ZNF624: variants seen among roughly 807,000 people sequenced by gnomAD.
The protein encoded by ZNF624 is zinc finger protein 624.
ZNF624 carries 43 observed loss-of-function variants against 74.7 expected under a neutral mutation model. That is an observed-to-expected ratio of 0.58 (90% CI 0.45 to 0.74). ZNF624 has a LOEUF of 0.74. Among genes scored for constraint, ZNF624 ranks in the 30% least tolerant of loss-of-function variants. ZNF624 has a pLI of 0.00. For synonymous variants in ZNF624, 331 were observed against 341.3 expected, an observed-to-expected ratio of 0.97 and a Z score of 0.33; for missense variants, 820 against 1,030.0, an observed-to-expected ratio of 0.80 and a Z score of 2.79.
At chr17:16,633,479 C>A (rs1310100128) in intron 5 of ZNF624, among the ~76,000 whole-genome samples, 1 of 151,854 alleles carries the variant, frequency 6.6e-6, no homozygotes, top group East Asian at 1.9e-4. Context: ...TCAGTGGGGA[C>A]CCTTATGGAA....
At chr17:16,630,008 T>C (rs1360348580) in intron 5 of ZNF624, among the ~76,000 whole-genome samples, 1 of 152,184 alleles carries the variant, frequency 6.6e-6, no homozygotes, top group Non-Finnish European at 1.5e-5. Context: ...ATGGATTCCT[T>C]GGTGCTACAA....
At chr17:16,653,696 C>CGCCGGGA (rs1184416003) in intron 1 of ZNF624, 68 bp downstream of exon 1, 1 of 152,814 alleles carries the variant, frequency 6.5e-6, no homozygotes, top group Non-Finnish European at 1.5e-5. Context: ...CCCCGGACGC[C>CGCCGGGA]GCCGGGAGCC....
downstream of ZNF624, chr17:16,617,017 G>A: frequency 6.2e-7 from 1 of 1,607,772 alleles, no homozygotes; most frequent in Non-Finnish European, 8.5e-7. Flanking sequence ...TTTTGACTTT[G>A]TATGACCCTT....
intron 5 of ZNF624, among the ~76,000 whole-genome samples, chr17:16,626,200 C>T (rs145198854): frequency 0.036 from 5,547 of 152,284 alleles, 337 homozygotes; most frequent in African/African-American, 0.13. Context: ...ATCCACCCTC[C>T]TCGGCCTTCC....
chr17:16,648,359 A>G (rs1480593731), intron 2 of ZNF624, among the ~76,000 whole-genome samples: 1 of 152,250 alleles, frequency 6.6e-6, no homozygotes, highest in Non-Finnish European at 1.5e-5. Context: ...CTACATAAAG[A>G]TCACTATGAA....
At chr17:16,629,404 C>A (rs1214592673) in intron 5 of ZNF624, among the ~76,000 whole-genome samples, 1 of 151,646 alleles carries the variant, frequency 6.6e-6, no homozygotes, top group Non-Finnish European at 1.5e-5. Context: ...ATGATCCACC[C>A]ACCTCAGCCT....
intron 5 of ZNF624, among the ~76,000 whole-genome samples, chr17:16,626,932 A>C (rs994883243): frequency 6.6e-6 from 1 of 152,008 alleles, no homozygotes; most frequent in Admixed American, 6.6e-5. Flanking sequence ...GCACACGCTT[A>C]TAATCCCAGC....
chr17:16,616,818 A>AC (rs1346171078), downstream of ZNF624: 1 of 997,674 alleles, frequency 1.0e-6, no homozygotes, highest in African/African-American at 1.6e-5. Flanking sequence ...GTGTTCCATA[A>AC]TAGTGTGCAG....
Position 16,623,398 on chromosome 17 carries a change from C to A in ZNF624, c.1488G>T (p.Gly496=), listed in dbSNP as rs779140127. 1.2e-6 allele frequency: 2 copies of A among 1,613,078 alleles called. No individual in the cohort carries two copies. Among genetic ancestry groups the A allele is most frequent in the East Asian group, 4.5e-5 (2 of 44,802 alleles). The change falls in exon 6 of 6, where the codon GGG becomes GGT. Residue 496 remains glycine (G), a synonymous_variant. Coordinates refer to ENST00000311331, the MANE Select transcript of ZNF624 (RefSeq NM_020787.4). This position sits in a 1 kb window ranked among gnomAD's most constrained non-coding sequence, Gnocchi z 5.3. ...ATTCATTACATTCATAGGGTTTTTCCCCAGTGTGAGTTCTTATATGTACGA... is the reference window on the plus strand; with the variant it reads ...ATTCATTACATTCATAGGGTTTTTCACCAGTGTGAGTTCTTATATGTACGA... ...SLIVHIRTHT[G]EKPYECNECG... is the part of the protein sequence containing the mutation.
chr17:16,629,305 G>C (rs1309735969), intron 5 of ZNF624, among the ~76,000 whole-genome samples: 2 of 146,914 alleles, frequency 1.4e-5, no homozygotes, highest in Non-Finnish European at 3.0e-5. Context: ...TTACAAGTCT[G>C]TGCCACAACG....
At chr17:16,617,552 T>C (rs912681981), downstream of ZNF624, 2 of 1,570,734 alleles carry the variant, frequency 1.3e-6, no homozygotes, top group Non-Finnish European at 1.8e-6. Context: ...ACAATAAGCC[T>C]GTATTCTGTA....
chr17:16,649,198 T>G (rs1008253511), intron 2 of ZNF624, among the ~76,000 whole-genome samples: 1 of 152,224 alleles, frequency 6.6e-6, no homozygotes, highest in African/African-American at 2.4e-5. Flanking sequence ...CTATTAAATC[T>G]AATCACTTCT....
chr17:16,650,156 A>G lies in ZNF624; in HGVS notation c.-2-410T>C, dbSNP rs187632249. ...TCAACATGCTGTGTGAAGTACGAAA[A>G]AAAATACTTCAGTCTTTCTTTGCCA... On this transcript the variant is annotated intron_variant, in intron 1 of 5. Transcript: ENST00000311331. Among the ~76,000 whole-genome samples, 202 of 152,252 alleles carry G rather than the reference A, an allele frequency of 1.3e-3. 1 individual carries two copies. Among genetic ancestry groups the G allele is most frequent in the African/African-American group, 4.7e-3 (196 of 41,516 alleles).
At chr17:16,639,777 A>G (rs1412194845) in intron 3 of ZNF624, among the ~76,000 whole-genome samples, 3 of 152,234 alleles carry the variant, frequency 2.0e-5, no homozygotes, top group Admixed American at 6.5e-5. Flanking sequence ...GTTTCTAAAC[A>G]AAGCAACAGC....
intron 3 of ZNF624, among the ~76,000 whole-genome samples, chr17:16,635,391 G>A (rs985949316): frequency 1.2e-4 from 18 of 151,906 alleles, no homozygotes; most frequent in African/African-American, 3.4e-4. Context: ...GGAGTAGAGC[G>A]GACTGGAATG....
At chr17:16,618,721 G>C (rs1301775269), downstream of ZNF624, among the ~76,000 whole-genome samples, 2 of 152,070 alleles carry the variant, frequency 1.3e-5, no homozygotes, top group African/African-American at 2.4e-5. Flanking sequence ...AAGACGATGA[G>C]GATAAAGATC....
chr17:16,625,031 T>C (rs1180087231), intron 5 of ZNF624, among the ~76,000 whole-genome samples: 1 of 126,658 alleles, frequency 7.9e-6, no homozygotes, highest in African/African-American at 3.9e-5. Context: ...AGCACGACTG[T>C]CTCAAAAAAA....
At chr17:16,634,805 T>A in intron 3 of ZNF624, 49 bp from the exon 4 acceptor site, 1 of 1,555,612 alleles carries the variant, frequency 6.4e-7, no homozygotes, top group Non-Finnish European at 8.7e-7. Flanking sequence ...ATTAGACTTG[T>A]TAGGCAGAAT....
chr17:16,617,245 C>T (rs891103242), downstream of ZNF624: 16 of 1,612,762 alleles, frequency 9.9e-6, no homozygotes, highest in East Asian at 2.9e-4. Context: ...AGATCTACTG[C>T]GGCTGCTCCT....
Sources: allele counts gnomAD v4.1 joint callset (sites outside exome capture counted in the v4.1 genomes callset), GRCh38; gene constraint gnomAD v4.1.1; non-coding constraint Gnocchi (gnomAD v3.1); transcripts MANE v1.5; gene names NCBI Gene and HGNC (gene_info 2026-07-23, HGNC 2026-07-21).